FAAH2: variants seen among roughly 807,000 people sequenced by gnomAD.
FAAH2 encodes fatty acid amide hydrolase 2.
FAAH2 carries 60 observed loss-of-function variants against 36.9 expected under a neutral mutation model. The observed-to-expected ratio is 1.63, with a 90% CI of 1.32 to 2.02. The LOEUF is 2.02. FAAH2 is among the 30% of genes most tolerant of loss of function. FAAH2 has a pLI of 0.00. For missense variants in FAAH2, 689 were observed against 397.5 expected (o/e 1.73, Z -6.23); for synonymous variants, 214 against 143.8 (o/e 1.49, Z -3.49).
chrX:57,480,620 C>T lies in FAAH2; in HGVS notation c.1424-8137C>T, dbSNP rs773916019. ...CAGATTAATCCATTATTGGTCTGTT[C>T]GGCTTCCCTTTGTAGGTAACCTGAC... On this transcript the variant is annotated intron_variant, in intron 10 of 10. Transcript: ENST00000374900. 6.3e-5 allele frequency among the ~76,000 whole-genome samples: 7 copies of T among 111,900 alleles called. No individual in the cohort carries two copies. In the South Asian group the frequency reaches 2.3e-3, roughly 36 times the overall value.
At chrX:57,224,320 C>T in the FAAH2 span, among the ~76,000 whole-genome samples, 9 of 111,859 alleles carry the variant, frequency 8.0e-5, no homozygotes, top group East Asian at 2.5e-3. Context: ...ACCCGTCTCT[C>T]AACAATACCC....
chrX:57,124,611 C>T, the FAAH2 span, among the ~76,000 whole-genome samples: 6 of 111,708 alleles, frequency 5.4e-5, no homozygotes, highest in South Asian at 3.7e-4. Context: ...GCCATTTTCA[C>T]GATATTGATT....
At chrX:57,276,577 G>A in the FAAH2 span, among the ~76,000 whole-genome samples, 1 of 111,316 alleles carries the variant, frequency 9.0e-6, no homozygotes, top group African/African-American at 3.3e-5. Flanking sequence ...TAAGATCAGA[G>A]CAGAACTGAA....
chrX:57,137,391 C>G, the FAAH2 span: 1 of 742,279 alleles, frequency 1.3e-6, no homozygotes, highest in Admixed American at 8.5e-5. Context: ...GCGAGACAGG[C>G]AAAGAGCACT....
chrX:57,224,249 C>G, the FAAH2 span, among the ~76,000 whole-genome samples: 1 of 111,700 alleles, frequency 9.0e-6, no homozygotes, highest in East Asian at 2.8e-4. Flanking sequence ...GTCTTACAGG[C>G]ACAGACGTGT....
chrX:57,130,982 T>G, the FAAH2 span, among the ~76,000 whole-genome samples: 11 of 112,369 alleles, frequency 9.8e-5, no homozygotes. Context: ...AATAGCACCC[T>G]AATTCCCCTG....
chrX:57,275,079 G>T, the FAAH2 span, among the ~76,000 whole-genome samples: 1 of 111,765 alleles, frequency 8.9e-6, no homozygotes, highest in Non-Finnish European at 1.9e-5. Flanking sequence ...AAATCAATGT[G>T]CAAAAATCAC....
chrX:57,146,730 G>A, the FAAH2 span, among the ~76,000 whole-genome samples: 2 of 111,893 alleles, frequency 1.8e-5, no homozygotes, highest in African/African-American at 6.5e-5. Flanking sequence ...TTACATTCAG[G>A]TATGTCTCTT....
chrX:57,130,033 A>G, the FAAH2 span, among the ~76,000 whole-genome samples: 1 of 112,741 alleles, frequency 8.9e-6, no homozygotes, highest in Non-Finnish European at 1.9e-5. Flanking sequence ...GTTCTAAAGT[A>G]TAAGATTTTA....
rs2057528576 is a variant in FAAH2 at position 57,489,183 on chromosome X, C to A, written c.*251C>A. The A allele has an allele frequency of 3.3e-6, 1 of 306,815 alleles. No individual in the cohort carries two copies. The highest frequency in any genetic ancestry group is 5.6e-6 in the Non-Finnish European group (1 of 179,263). 25.3% of individuals were successfully genotyped at this position (306,815 alleles called of 1,213,427 possible). On this transcript the variant is annotated 3_prime_UTR_variant, in exon 11 of 11. Coordinates refer to ENST00000374900, the MANE Select transcript of FAAH2 (RefSeq NM_174912.4). The stretch of plus-strand genomic sequence containing the variant: ...TAAATGGATAAGTGCAATAAAGTTT[C>A]CTAAATGCTGGAATCGTGTCTGTTT...
intron 3 of FAAH2, among the ~76,000 whole-genome samples, chrX:57,328,722 G>A (rs1236774599): frequency 1.8e-5 from 2 of 111,185 alleles, no homozygotes; most frequent in Non-Finnish European, 3.8e-5. Flanking sequence ...TTGTTTTTTG[G>A]GTGAGAGTTT....
At chrX:57,299,730 C>T in intron 2 of FAAH2, among the ~76,000 whole-genome samples, 1 of 111,873 alleles carries the variant, frequency 8.9e-6, no homozygotes, top group South Asian at 3.8e-4. Context: ...CCAAAATCTC[C>T]TTAAGCTAAT....
At chrX:57,478,891 C>G (rs986852344) in intron 10 of FAAH2, among the ~76,000 whole-genome samples, 1 of 111,502 alleles carries the variant, frequency 9.0e-6, no homozygotes, top group Non-Finnish European at 1.9e-5. Context: ...GTTACTGTAG[C>G]CTTGTAGTAT....
chrX:57,394,627 A>G, intron 7 of FAAH2: 4 of 1,087,624 alleles, frequency 3.7e-6, no homozygotes, highest in Non-Finnish European at 5.1e-6. Context: ...GCCCTAAGCC[A>G]CCAGGAACGG....
chrX:57,255,076 T>C, the FAAH2 span, among the ~76,000 whole-genome samples: 2 of 110,775 alleles, frequency 1.8e-5, no homozygotes, highest in African/African-American at 6.6e-5. Flanking sequence ...ATAAATGTAA[T>C]AAAAATGATA....
At chrX:57,320,717 C>T (rs143824459) in intron 3 of FAAH2, among the ~76,000 whole-genome samples, 1 of 112,608 alleles carries the variant, frequency 8.9e-6, no homozygotes, top group Non-Finnish European at 1.9e-5. Context: ...GCAACATGCA[C>T]ATGTATATTT....
chrX:57,482,499 C>T (rs780022728), intron 10 of FAAH2, among the ~76,000 whole-genome samples: 50 of 110,329 alleles, frequency 4.5e-4, no homozygotes, highest in Non-Finnish European at 8.7e-4. Flanking sequence ...AGGGAGGTCC[C>T]CCAACTTCCT....
chrX:57,395,777 T>G (rs1191485008), intron 7 of FAAH2, among the ~76,000 whole-genome samples: 3 of 112,201 alleles, frequency 2.7e-5, no homozygotes, highest in Non-Finnish European at 5.6e-5. Context: ...GATTTATGCA[T>G]CAGTATGCAC....
At chrX:57,240,490 C>T in the FAAH2 span, among the ~76,000 whole-genome samples, 1 of 111,360 alleles carries the variant, frequency 9.0e-6, no homozygotes, top group Admixed American at 9.5e-5. Context: ...GCAGTGGGTT[C>T]CATGCATGCA....
Sources: gnomAD v4.1 joint callset for allele counts (sites outside exome capture counted in the v4.1 genomes callset) on GRCh38, gnomAD v4.1.1 for gene constraint, MANE v1.5 for transcripts, NCBI Gene and HGNC (gene_info 2026-07-23, HGNC 2026-07-21) for gene names.